The following PRKG1 variants were observed in gnomAD, a reference collection of about 807,000 sequenced individuals.
PRKG1 encodes the protein protein kinase cGMP-dependent 1.
A neutral mutation model predicts 88.1 loss-of-function variants in PRKG1; 35 were observed. That is an observed-to-expected ratio of 0.40 (90% confidence interval 0.30 to 0.53). PRKG1 has a LOEUF of 0.53. Ranked by LOEUF, PRKG1 falls within the 20% of genes least tolerant of loss-of-function variation. The pLI is 0.59. For missense variants in PRKG1, 540 were observed against 839.8 expected (o/e 0.64, Z 4.41); for synonymous variants, 303 against 292.5 (o/e 1.04, Z -0.37).
intron 7 of PRKG1, among the ~76,000 whole-genome samples, chr10:52,128,766 T>C (rs1254357520): frequency 6.6e-6 from 1 of 152,186 alleles, no homozygotes; most frequent in Non-Finnish European, 1.5e-5. Flanking sequence ...AGTAGTGCTT[T>C]TTAAAGTATT....
chr10:51,212,980 A>T (rs1838266717), intron 2 of PRKG1, among the ~76,000 whole-genome samples: 2 of 152,222 alleles, frequency 1.3e-5, no homozygotes, highest in Non-Finnish European at 2.9e-5. Flanking sequence ...TACCCAAAGG[A>T]TTATAAATCA....
chr10:52,280,521 G>A (rs1266965654), intron 12 of PRKG1, among the ~76,000 whole-genome samples: 3 of 152,098 alleles, frequency 2.0e-5, no homozygotes. Context: ...CTAAGTACAT[G>A]AAATGTGTTG....
chr10:52,009,760 C>G (rs563653584), intron 5 of PRKG1, among the ~76,000 whole-genome samples: 4 of 152,170 alleles, frequency 2.6e-5, no homozygotes, highest in African/African-American at 9.6e-5. Context: ...ATAACATACT[C>G]AACTTCAAAC....
intron 2 of PRKG1, among the ~76,000 whole-genome samples, chr10:51,304,561 C>T (rs553773879): frequency 6.6e-6 from 1 of 151,368 alleles, no homozygotes; most frequent in Admixed American, 6.6e-5. Context: ...TATACATGTG[C>T]CATGCTGCTG....
At position 51,948,883 on chromosome 10, in the gene PRKG1, T is replaced by C. The variant is rs577001847; in HGVS notation, c.762+41313T>C. On this transcript the variant is annotated intron_variant, in intron 5 of 17. Transcript: ENST00000373980. ...GAATTATAGTTAATTCTTTAAAACATTGATTCAATAAGGATTACAAAGTAT... is the reference window on the plus strand; with the variant it reads ...GAATTATAGTTAATTCTTTAAAACACTGATTCAATAAGGATTACAAAGTAT... Among the ~76,000 whole-genome samples the C allele has an allele frequency of 4.6e-5, 7 of 152,328 alleles. No homozygotes were observed. The East Asian group carries it at 5.8e-4, about 13-fold the overall frequency.
rs150158460 is a variant in PRKG1, at chr10:52,171,684, C to T, written c.1076+9721C>T. ...GCAGAGAATATCAAAATCCAATGCT[C>T]TTTCAAGTGCAGTGAGACTGATTCA... On this transcript the variant is annotated intron_variant, in intron 9 of 17. Coordinates refer to ENST00000373980, the MANE Select transcript of PRKG1 (RefSeq NM_006258.4). 8.4e-3 allele frequency among the ~76,000 whole-genome samples: 1,243 copies of T among 148,248 alleles called. 10 individuals are homozygous for T. The highest frequency in any genetic ancestry group is 0.015 in the South Asian group (68 of 4,678).
intron 2 of PRKG1, among the ~76,000 whole-genome samples, chr10:51,168,112 A>G (rs59140787): frequency 0.057 from 8,740 of 152,246 alleles, 480 homozygotes; most frequent in African/African-American, 0.14. Context: ...ATGCAAACTA[A>G]TATTCTTAAA....
At chr10:51,449,760 G>A (rs1426317943) in intron 2 of PRKG1, among the ~76,000 whole-genome samples, 2 of 148,694 alleles carry the variant, frequency 1.3e-5, no homozygotes, top group African/African-American at 5.0e-5. Context: ...CATAATTTTT[G>A]TGACTAAAAT....
intron 5 of PRKG1, among the ~76,000 whole-genome samples, chr10:51,932,687 GC>G (rs1842719534): frequency 6.6e-6 from 1 of 152,120 alleles, no homozygotes; most frequent in Non-Finnish European, 1.5e-5. Context: ...TTTGGCCAGG[GC>G]AGTTCTAACA....
intron 1 of PRKG1, among the ~76,000 whole-genome samples, chr10:51,016,784 T>G (rs931511121): frequency 1.3e-5 from 2 of 148,416 alleles, no homozygotes; most frequent in African/African-American, 5.0e-5. Flanking sequence ...TTCTCCTGCC[T>G]CAGCCTCCCG....
chr10:52,085,289 A>G (rs1846884304), intron 7 of PRKG1, among the ~76,000 whole-genome samples: 1 of 138,766 alleles, frequency 7.2e-6, no homozygotes, highest in Non-Finnish European at 1.5e-5. Flanking sequence ...TTTAGCATCC[A>G]TTGATGAAGA....
intron 1 of PRKG1, among the ~76,000 whole-genome samples, chr10:51,063,496 C>T (rs112831578): frequency 0.024 from 3,707 of 152,140 alleles, 68 homozygotes; most frequent in African/African-American, 0.035. Context: ...AGAAAAGGTA[C>T]AGTAAAAATA....
intron 3 of PRKG1, among the ~76,000 whole-genome samples, chr10:51,744,328 A>G (rs781039444): frequency 3.1e-4 from 47 of 152,146 alleles, no homozygotes; most frequent in Non-Finnish European, 5.4e-4. Context: ...ACTTGAATCC[A>G]TGGAGGCTGC....
At chr10:51,942,768 T>C (rs1157417945) in intron 5 of PRKG1, among the ~76,000 whole-genome samples, 2 of 151,498 alleles carry the variant, frequency 1.3e-5, no homozygotes. Context: ...GTTGTAGATA[T>C]ATGGCATTAT....
intron 3 of PRKG1, among the ~76,000 whole-genome samples, chr10:51,670,285 G>T (rs1840524650): frequency 6.6e-6 from 1 of 151,824 alleles, no homozygotes; most frequent in East Asian, 1.9e-4. Context: ...TCTTAGAACT[G>T]TTATGTTGAA....
chr10:51,195,969 A>G (rs1837754051), intron 2 of PRKG1, among the ~76,000 whole-genome samples: 1 of 152,152 alleles, frequency 6.6e-6, no homozygotes, highest in Non-Finnish European at 1.5e-5. Context: ...TTTCCACTTG[A>G]GCTGCAGCAG....
chr10:52,068,120 G>A (rs1432966425), intron 7 of PRKG1, among the ~76,000 whole-genome samples: 1 of 111,394 alleles, frequency 9.0e-6, no homozygotes, highest in Admixed American at 9.7e-5. Context: ...GGAGAATGGC[G>A]TGAACCCGGG....
intron 3 of PRKG1, among the ~76,000 whole-genome samples, chr10:51,678,663 G>T (rs1491002565): frequency 6.6e-6 from 1 of 152,162 alleles, no homozygotes. Context: ...TAAGAAAATG[G>T]GTTTGTAATT....
In PRKG1 at chr10:51,098,842, C is replaced by G. The variant is rs558280856; in HGVS notation, c.311+23941C>G. The stretch of plus-strand genomic sequence containing the variant: ...TTTTGCTTCCAATAGCCTGCATTGG[C>G]CACTCTTCTTTAGCGAACTTTCCCT... On this transcript the variant is annotated intron_variant, in intron 1 of 17. Coordinates refer to ENST00000373980, the MANE Select transcript of PRKG1 (RefSeq NM_006258.4). Among the ~76,000 whole-genome samples the G allele has an allele frequency of 2.5e-4, 38 of 152,254 alleles. No homozygotes were observed. The South Asian group carries it at 7.7e-3, about 31-fold the overall frequency.
Sources: gnomAD v4.1 joint callset for allele counts (sites outside exome capture counted in the v4.1 genomes callset) on GRCh38, gnomAD v4.1.1 for gene constraint, MANE v1.5 for transcripts, NCBI Gene and HGNC (gene_info 2026-07-23, HGNC 2026-07-21) for gene names.